Variants in UBXN2A observed in about 807,000 individuals in gnomAD.
UBXN2A encodes UBX domain-containing protein 2A.
UBXN2A carries 28 observed loss-of-function variants against 28.4 expected under a neutral mutation model. The observed-to-expected ratio is 0.99, with a 90% CI of 0.73 to 1.35. The LOEUF (loss-of-function observed/expected upper bound fraction) is 1.35, where lower values mean the gene tolerates loss of function less well. Ranked by LOEUF, UBXN2A falls within the 40% of genes most tolerant of loss-of-function variation. The pLI is 0.00. For synonymous variants in UBXN2A, 97 were observed against 103.6 expected (o/e 0.94, Z 0.39); for missense variants, 253 against 297.9 (o/e 0.85, Z 1.11).
intron 2 of UBXN2A, among the ~76,000 whole-genome samples, chr2:23,968,140 C>CAG (rs1338247541): frequency 3.3e-5 from 5 of 152,158 alleles, no homozygotes; most frequent in African/African-American, 1.2e-4. Context: ...TGATTAAGAG[C>CAG]AGAGACATTG....
At chr2:23,985,577 C>T (rs979297502) in intron 6 of UBXN2A, among the ~76,000 whole-genome samples, 1 of 148,062 alleles carries the variant, frequency 6.8e-6, no homozygotes, top group African/African-American at 2.5e-5. Context: ...ATAAATAGTT[C>T]TCTAAACATA....
intron 2 of UBXN2A, among the ~76,000 whole-genome samples, chr2:23,969,947 C>CA (rs1199429246): frequency 1.3e-5 from 2 of 151,866 alleles, no homozygotes; most frequent in South Asian, 2.1e-4. Flanking sequence ...TTTCTGTTAC[C>CA]AAAAAAACGC....
intron 1 of UBXN2A, among the ~76,000 whole-genome samples, chr2:23,943,256 A>T (rs1284290386): frequency 6.6e-6 from 1 of 152,028 alleles, no homozygotes. Context: ...TGCCTGGCCA[A>T]CTTTTTATTT....
intron 2 of UBXN2A, among the ~76,000 whole-genome samples, chr2:23,967,868 T>C (rs1021608286): frequency 4.6e-5 from 7 of 151,908 alleles, no homozygotes; most frequent in African/African-American, 1.5e-4. Context: ...AGGAAAAAAA[T>C]GTATACCTAA....
chr2:23,966,894 G>C (rs1185710081), intron 2 of UBXN2A, among the ~76,000 whole-genome samples: 69 of 151,294 alleles, frequency 4.6e-4, no homozygotes. Context: ...AGTAGCTGGG[G>C]CTACAGGTGT....
rs1708670841 is a variant in UBXN2A, at chr2:23,999,759, C to T, written c.672C>T (p.Leu224=). Residue 224 remains leucine, a synonymous_variant, in exon 7 of 7, where the codon CTC becomes CTT. Transcript: ENST00000309033. ...PFSLATALPV[L]RLLDETLTLE... is the part of the protein sequence containing the mutation. The stretch of plus-strand genomic sequence containing the variant: ...CCCTGGCAACAGCTCTTCCTGTCCT[C>T]AGGTTGCTAGATGAGACACTCACAC... The T allele has an allele frequency of 6.2e-7, 1 of 1,614,054 alleles. No individual in the cohort carries two copies. Among genetic ancestry groups the T allele is most frequent in the African/African-American group, 1.3e-5 (1 of 74,914 alleles).
At position 23,931,079 on chromosome 2, in the gene UBXN2A, G is replaced by A. The variant is rs376723969; in HGVS notation, c.-138+3464G>A. Among the ~76,000 whole-genome samples, 54 of 152,074 alleles carry A rather than the reference G, an allele frequency of 3.6e-4. No homozygotes were observed. In the South Asian group the frequency reaches 0.01, roughly 29 times the overall value. ...CTACTCAGCTACTCAGCAATTCTTT[G>A]CCTCAGGTTGCAGTGAGCCAAGATC... On this transcript the variant is annotated intron_variant, in intron 1 of 7. Transcript: ENST00000404924.
intron 5 of UBXN2A, 34 bp from the exon 6 acceptor site, chr2:23,984,639 A>G (rs1252748506): frequency 1.4e-6 from 2 of 1,426,402 alleles, no homozygotes; most frequent in South Asian, 1.8e-5. Flanking sequence ...TTGAATGGAA[A>G]AAACGTCTAA....
chr2:23,938,063 G>A (rs1037705972), upstream of UBXN2A, among the ~76,000 whole-genome samples: 3 of 152,128 alleles, frequency 2.0e-5, no homozygotes, highest in Non-Finnish European at 4.4e-5. Flanking sequence ...TGTAAGTCAT[G>A]GACCGAAAGG....
At chr2:23,974,016 A>T (rs1344797687) in intron 3 of UBXN2A, among the ~76,000 whole-genome samples, 6 of 140,442 alleles carry the variant, frequency 4.3e-5, no homozygotes, top group Admixed American at 3.7e-4. Flanking sequence ...AAAATGATTA[A>T]TTTTTTTTTT....
chr2:23,998,720 C>CA (rs905665147), intron 6 of UBXN2A, among the ~76,000 whole-genome samples: 1 of 151,490 alleles, frequency 6.6e-6, no homozygotes, highest in African/African-American at 2.4e-5. Context: ...GACTCCATCT[C>CA]AAAAAAAAGA....
At chr2:23,966,951 A>G (rs1707207315) in intron 2 of UBXN2A, among the ~76,000 whole-genome samples, 1 of 148,734 alleles carries the variant, frequency 6.7e-6, no homozygotes, top group Non-Finnish European at 1.5e-5. Context: ...TAGAGATGGG[A>G]TTTCGCCATG....
intron 4 of UBXN2A, among the ~76,000 whole-genome samples, chr2:23,981,651 T>C (rs1029215654): frequency 1.3e-5 from 2 of 152,074 alleles, no homozygotes; most frequent in African/African-American, 4.8e-5. Flanking sequence ...CCCAACACTT[T>C]GGGAGGCTGA....
intron 2 of UBXN2A, among the ~76,000 whole-genome samples, chr2:23,962,841 C>T (rs1302286242): frequency 6.6e-6 from 1 of 152,034 alleles, no homozygotes; most frequent in Non-Finnish European, 1.5e-5. Flanking sequence ...AACTCCCGAC[C>T]TCAGGTGATC....
chr2:23,962,871 A>C (rs1445129643), intron 2 of UBXN2A, among the ~76,000 whole-genome samples: 1 of 152,110 alleles, frequency 6.6e-6, no homozygotes, highest in Non-Finnish European at 1.5e-5. Context: ...TGGCATCCCA[A>C]AGTGCTGGGA....
intron 1 of UBXN2A, among the ~76,000 whole-genome samples, chr2:23,930,385 C>G (rs549643359): frequency 2.0e-4 from 31 of 152,206 alleles, no homozygotes; most frequent in African/African-American, 7.5e-4. Flanking sequence ...AAAGAACACA[C>G]AGACATAGAG....
chr2:23,991,863 C>G (rs1708367361), intron 6 of UBXN2A, among the ~76,000 whole-genome samples: 1 of 152,128 alleles, frequency 6.6e-6, no homozygotes, highest in Admixed American at 6.6e-5. Flanking sequence ...ATGATCTTGG[C>G]TCATTGAAAC....
intron 4 of UBXN2A, among the ~76,000 whole-genome samples, chr2:23,978,692 G>A (rs140639258): frequency 1.1e-3 from 159 of 149,002 alleles, no homozygotes; most frequent in African/African-American, 3.8e-3. Flanking sequence ...AGCTGGGCAC[G>A]GGGGCTTACG....
At chr2:23,938,762 T>A (rs1276368511), upstream of UBXN2A, among the ~76,000 whole-genome samples, 2 of 152,006 alleles carry the variant, frequency 1.3e-5, no homozygotes, top group African/African-American at 2.4e-5. Flanking sequence ...AGATACATAA[T>A]CAATGGAATA....
Sources: gnomAD v4.1 joint callset for allele counts (sites outside exome capture counted in the v4.1 genomes callset) on GRCh38, gnomAD v4.1.1 for gene constraint, MANE v1.5 for transcripts, NCBI Gene and HGNC (gene_info 2026-07-23, HGNC 2026-07-21) for gene names.